Variants in RAB27B observed in about 807,000 individuals in gnomAD.
RAB27B encodes ras-related protein Rab-27B.
A neutral mutation model predicts 24.6 loss-of-function variants in RAB27B; 15 were observed. The ratio of observed to expected loss-of-function variants is 0.61; its 90% CI spans 0.41 to 0.94. The LOEUF (loss-of-function observed/expected upper bound fraction) is 0.94. Ranked by LOEUF, RAB27B falls within the 40% of genes least tolerant of loss-of-function variation. The pLI is 0.00. For missense variants in RAB27B, 261 were observed against 266.8 expected (o/e 0.98, Z 0.15); for synonymous variants, 105 against 92.5 (o/e 1.14, Z -0.78).
intron 1 of RAB27B, among the ~76,000 whole-genome samples, chr18:54,868,728 G>A (rs555507105): frequency 1.3e-5 from 2 of 152,202 alleles, no homozygotes; most frequent in Admixed American, 1.3e-4. Flanking sequence ...CCGGGTTCAA[G>A]TGATTCTCCT....
In RAB27B at chr18:54,892,362, G is replaced by A. The variant is rs1253523239; in HGVS notation, c.*2949G>A. The A allele has an allele frequency of 1.3e-5, 2 of 151,970 alleles. No individual in the cohort carries two copies. Among genetic ancestry groups the A allele is most frequent in the African/African-American group, 4.8e-5 (2 of 41,408 alleles). 9.4% of individuals were successfully genotyped at this position (151,970 alleles called of 1,614,324 possible). ...TGTTATATCATAGGAAGCCCTCACA[G>A]AGACACTAACACAGCTAAAGATCTT... On this transcript the variant is annotated 3_prime_UTR_variant, in exon 6 of 6. Transcript: ENST00000262094.
chr18:54,811,217 A>G (rs1233298694), intron 2 of RAB27B, among the ~76,000 whole-genome samples: 1 of 152,158 alleles, frequency 6.6e-6, no homozygotes, highest in Non-Finnish European at 1.5e-5. Flanking sequence ...AGTATCTGAG[A>G]TAGGTCTCAA....
At chr18:54,888,174 G>T in intron 5 of RAB27B, 56 bp downstream of exon 5, 1 of 1,576,092 alleles carries the variant, frequency 6.3e-7, no homozygotes, top group Non-Finnish European at 8.6e-7. Context: ...TCAGCAAATG[G>T]AGCAGAGACA....
intron 2 of RAB27B, among the ~76,000 whole-genome samples, chr18:54,748,386 T>C (rs1910321990): frequency 6.6e-6 from 1 of 152,160 alleles, no homozygotes; most frequent in Non-Finnish European, 1.5e-5. Context: ...TTCACTATGA[T>C]ATATGTCACA....
intron 2 of RAB27B, among the ~76,000 whole-genome samples, chr18:54,780,208 T>TCACC (rs1220050877): frequency 8.2e-6 from 1 of 121,654 alleles, no homozygotes; most frequent in African/African-American, 3.3e-5. Flanking sequence ...TGCTTCCCCC[T>TCACC]CACCGTGTCT....
chr18:54,739,316 C>T (rs541604680), intron 2 of RAB27B, among the ~76,000 whole-genome samples: 22 of 151,802 alleles, frequency 1.4e-4, no homozygotes, highest in Admixed American at 2.6e-4. Context: ...GTTAGCCAGG[C>T]GTGGTGGTGG....
intron 2 of RAB27B, among the ~76,000 whole-genome samples, chr18:54,818,421 C>T (rs2145161210): frequency 6.6e-6 from 1 of 152,282 alleles, no homozygotes; most frequent in East Asian, 1.9e-4. Context: ...AGAATTCATT[C>T]CCATACATGT....
intron 1 of RAB27B, among the ~76,000 whole-genome samples, chr18:54,834,714 T>C (rs1241273004): frequency 6.6e-6 from 1 of 151,842 alleles, no homozygotes; most frequent in Non-Finnish European, 1.5e-5. Context: ...TATGTAAACA[T>C]GGAAGAAGAG....
chr18:54,832,163 A>G (rs1910706596), intron 1 of RAB27B, among the ~76,000 whole-genome samples: 1 of 152,214 alleles, frequency 6.6e-6, no homozygotes, highest in South Asian at 2.1e-4. Context: ...TTAGGAGGCT[A>G]TTCCAGTAGA....
In RAB27B at chr18:54,776,107, G is replaced by T. The variant is rs1035910437; in HGVS notation, c.-20+57966G>T. Among the ~76,000 whole-genome samples the T allele has an allele frequency of 5.0e-4, 76 of 152,278 alleles. No individual in the cohort carries two copies. The East Asian group carries it at 6.4e-3, about 13-fold the overall frequency. ...TTGAATTTGCTTGGCGGTGTTTTTT[G>T]TTGTTGTTGTTGTTTTTTAAGAAAA... On this transcript the variant is annotated intron_variant, in intron 2 of 4. Coordinates refer to the RAB27B transcript ENST00000586570.
At chr18:54,819,955 A>AT (rs1241828172) in intron 2 of RAB27B, among the ~76,000 whole-genome samples, 3 of 151,990 alleles carry the variant, frequency 2.0e-5, no homozygotes, top group African/African-American at 7.3e-5. Context: ...TGAACTCATC[A>AT]TTTTTTTGGC....
intron 2 of RAB27B, among the ~76,000 whole-genome samples, chr18:54,751,379 G>C (rs1280726406): frequency 6.6e-6 from 1 of 152,084 alleles, no homozygotes; most frequent in Non-Finnish European, 1.5e-5. Context: ...GAATTTTGGA[G>C]GTGAAATAGA....
At chr18:54,743,790 T>C (rs949324008) in intron 2 of RAB27B, among the ~76,000 whole-genome samples, 4 of 152,204 alleles carry the variant, frequency 2.6e-5, no homozygotes, top group African/African-American at 9.6e-5. Context: ...GTGGCCTTTA[T>C]GCCCAGTGAG....
chr18:54,746,798 G>A, intron 2 of RAB27B, among the ~76,000 whole-genome samples: 1 of 152,142 alleles, frequency 6.6e-6, no homozygotes, highest in East Asian at 1.9e-4. Flanking sequence ...GCTGGTGTGT[G>A]TTAAATACTT....
chr18:54,725,764 A>C (rs2144980678), intron 2 of RAB27B, among the ~76,000 whole-genome samples: 1 of 151,594 alleles, frequency 6.6e-6, no homozygotes, highest in South Asian at 2.1e-4. Context: ...CCCATGATTA[A>C]ATTATCTCCA....
At chr18:54,721,148 A>G (rs542710984) in intron 2 of RAB27B, among the ~76,000 whole-genome samples, 1 of 152,282 alleles carries the variant, frequency 6.6e-6, no homozygotes, top group East Asian at 1.9e-4. Flanking sequence ...TAAAGAAATA[A>G]GTTTATAGAT....
rs1029794064 is a variant in RAB27B at position 54,889,419 on chromosome 18, A to G, written c.*6A>G. ...AGAAGAAATGTATCTGCTAGACTCT[A>G]CATAGAAACTGAACATCAAGAACCC... On this transcript the variant is annotated 3_prime_UTR_variant, in exon 6 of 6. Coordinates refer to ENST00000262094, the MANE Select transcript of RAB27B (RefSeq NM_004163.4). 2.5e-6 allele frequency: 4 copies of G among 1,596,688 alleles called. No homozygotes were observed. In the African/African-American group the frequency reaches 5.4e-5, roughly 22 times the overall value.
chr18:54,877,514 C>A, intron 1 of RAB27B, 53 bp from the exon 2 acceptor site: 2 of 1,271,028 alleles, frequency 1.6e-6, no homozygotes, highest in African/African-American at 1.5e-5. Context: ...TGATATAAAG[C>A]AAAGGAAAAT....
chr18:54,767,501 C>A (rs927214862), intron 2 of RAB27B, among the ~76,000 whole-genome samples: 7 of 152,084 alleles, frequency 4.6e-5, no homozygotes, highest in Non-Finnish European at 8.8e-5. Flanking sequence ...TTTTTAAAAA[C>A]AAGATACAAC....
Sources: gnomAD v4.1 joint callset for allele counts (sites outside exome capture counted in the v4.1 genomes callset) on GRCh38, gnomAD v4.1.1 for gene constraint, MANE v1.5 for transcripts, NCBI Gene and HGNC (gene_info 2026-07-23, HGNC 2026-07-21) for gene names.